Variants in TCF4 observed in about 807,000 individuals in gnomAD.
TCF4 encodes the protein transcription factor 4.
Under a neutral mutation model 82.1 loss-of-function variants are expected in TCF4, and 3 were observed. The observed-to-expected ratio is 0.04, with a 90% CI of 0.02 to 0.09. The LOEUF is 0.09. Ranked by LOEUF, TCF4 falls within the 10% of genes least tolerant of loss-of-function variation. The pLI, the probability that TCF4 is intolerant of heterozygous loss-of-function variation, is 1.00. For synonymous variants in TCF4, 276 were observed against 309.6 expected, an observed-to-expected ratio of 0.89 and a Z score of 1.14; for missense variants, 518 against 852.7, an observed-to-expected ratio of 0.61 and a Z score of 4.89.
chr18:55,546,297 C>G (rs1270759246), intron 3 of TCF4, among the ~76,000 whole-genome samples: 2 of 152,044 alleles, frequency 1.3e-5, no homozygotes, highest in African/African-American at 4.8e-5. Flanking sequence ...TATGATGATG[C>G]CTCTGCACTC....
chr18:55,625,288 G>T (rs920032408), intron 2 of TCF4, among the ~76,000 whole-genome samples: 6 of 151,100 alleles, frequency 4.0e-5, no homozygotes, highest in Admixed American at 1.3e-4. Flanking sequence ...GCCCAGGCTG[G>T]AGTGCAGTGG....
At chr18:55,610,301 A>T (rs1038528161) in intron 2 of TCF4, among the ~76,000 whole-genome samples, 2 of 152,206 alleles carry the variant, frequency 1.3e-5, no homozygotes, top group African/African-American at 4.8e-5. Context: ...CTGCCAGGGT[A>T]ACCGACCTTT....
chr18:55,573,764 T>C (rs952324954), intron 3 of TCF4, among the ~76,000 whole-genome samples: 6 of 152,196 alleles, frequency 3.9e-5, no homozygotes, highest in African/African-American at 1.4e-4. Context: ...CTCTCAAATG[T>C]AGTACTTGAC....
At chr18:55,558,828 T>C (rs2097328861) in intron 3 of TCF4, among the ~76,000 whole-genome samples, 1 of 152,040 alleles carries the variant, frequency 6.6e-6, no homozygotes, top group African/African-American at 2.4e-5. Context: ...TAATGATCAA[T>C]AAAAAAGTGA....
intron 3 of TCF4, chr18:55,510,803 C>T: frequency 8.4e-7 from 1 of 1,195,540 alleles, no homozygotes; most frequent in Non-Finnish European, 1.0e-6. Context: ...TTGTATATAT[C>T]AGTCAGTAGA....
At chr18:55,563,802 T>C (rs1161876303) in intron 3 of TCF4, among the ~76,000 whole-genome samples, 2 of 152,244 alleles carry the variant, frequency 1.3e-5, no homozygotes, top group Admixed American at 6.5e-5. Flanking sequence ...TATCCAGCAA[T>C]AAATACTATG....
chr18:55,353,980 G>A (rs1569152349), intron 6 of TCF4, among the ~76,000 whole-genome samples: 2 of 152,242 alleles, frequency 1.3e-5, no homozygotes, highest in South Asian at 2.1e-4. Context: ...CATGTTCTGC[G>A]GTTATGCTGG....
At chr18:55,235,364 G>C (rs570738494) in intron 15 of TCF4, among the ~76,000 whole-genome samples, 2 of 152,132 alleles carry the variant, frequency 1.3e-5, no homozygotes, top group African/African-American at 4.8e-5. Flanking sequence ...TACCAATAAA[G>C]GTTTTATTAA....
chr18:55,344,496 C>A (rs1400371133), intron 8 of TCF4, among the ~76,000 whole-genome samples: 2 of 152,124 alleles, frequency 1.3e-5, no homozygotes, highest in African/African-American at 4.8e-5. Context: ...CAAAACTTCA[C>A]ACCAAAATAT....
intron 3 of TCF4, among the ~76,000 whole-genome samples, chr18:55,543,743 A>G (rs182720582): frequency 5.9e-5 from 9 of 152,300 alleles, no homozygotes; most frequent in African/African-American, 2.2e-4. Context: ...TAGAAGCACA[A>G]ACACAAAATG....
chr18:55,251,244 G>A (rs1175196446), intron 15 of TCF4, among the ~76,000 whole-genome samples: 2 of 151,902 alleles, frequency 1.3e-5, no homozygotes, highest in African/African-American at 4.8e-5. Context: ...CAGGAAATAA[G>A]CATAGCTCAA....
chr18:55,458,302 A>G (rs1310460926), intron 5 of TCF4, among the ~76,000 whole-genome samples: 1 of 152,232 alleles, frequency 6.6e-6, no homozygotes, highest in African/African-American at 2.4e-5. Context: ...TTTTAACAAA[A>G]ACCAGTTAAA....
chr18:55,292,348 T>G (rs1026065203), intron 8 of TCF4, among the ~76,000 whole-genome samples: 1 of 152,174 alleles, frequency 6.6e-6, no homozygotes, highest in African/African-American at 2.4e-5. Flanking sequence ...TAATTTTGGA[T>G]TTTCAAAAAT....
At chr18:55,324,494 G>A (rs1602692980) in intron 8 of TCF4, among the ~76,000 whole-genome samples, 1 of 152,158 alleles carries the variant, frequency 6.6e-6, no homozygotes, top group East Asian at 1.9e-4. Context: ...AAGAACAACT[G>A]AAGCTATATG....
intron 15 of TCF4, among the ~76,000 whole-genome samples, chr18:55,249,613 C>G (rs2054388578): frequency 6.6e-6 from 1 of 152,214 alleles, no homozygotes; most frequent in South Asian, 2.1e-4. Context: ...TGCTTAAGTA[C>G]ACATCTTTTC....
chr18:55,627,461 A>G lies in TCF4; in HGVS notation c.286+3837T>C, dbSNP rs535376861. 2.4e-3 allele frequency among the ~76,000 whole-genome samples: 358 copies of G among 152,272 alleles called. 1 individual carries two copies. The highest frequency in any genetic ancestry group is 0.017 in the Middle Eastern group (5 of 294). On this transcript the variant is annotated intron_variant, in intron 2 of 20. Coordinates refer to the TCF4 transcript ENST00000398339. ...AAGACAGTGGCCACGTGTATTCAGAAGAGTCAAGAAAGGCTTCATAGGCTG... is the reference window on the plus strand; with the variant it reads ...AAGACAGTGGCCACGTGTATTCAGAGGAGTCAAGAAAGGCTTCATAGGCTG...
At chr18:55,363,667 G>T (rs1240169995) in intron 6 of TCF4, among the ~76,000 whole-genome samples, 1 of 152,062 alleles carries the variant, frequency 6.6e-6, no homozygotes, top group Admixed American at 6.6e-5. Flanking sequence ...TTAACCAGGC[G>T]TGGTAGTGCA....
At chr18:55,536,115 C>A (rs2097112399) in intron 3 of TCF4, among the ~76,000 whole-genome samples, 1 of 152,112 alleles carries the variant, frequency 6.6e-6, no homozygotes. Context: ...TTCAAACAAT[C>A]CCCTACATTT....
intron 6 of TCF4, among the ~76,000 whole-genome samples, chr18:55,356,796 A>G (rs553589905): frequency 2.0e-5 from 3 of 152,334 alleles, no homozygotes; most frequent in Non-Finnish European, 4.4e-5. Context: ...ACATCACAAA[A>G]AAATAAAAAT....
Sources: gnomAD v4.1 joint callset for allele counts (sites outside exome capture counted in the v4.1 genomes callset) on GRCh38, gnomAD v4.1.1 for gene constraint, MANE v1.5 for transcripts, NCBI Gene and HGNC (gene_info 2026-07-23, HGNC 2026-07-21) for gene names.